SDR9C7: variants seen among roughly 807,000 people sequenced by gnomAD.
SDR9C7 encodes the protein short-chain dehydrogenase/reductase family 9C member 7.
SDR9C7 carries 11 observed loss-of-function variants against 23.6 expected under a neutral mutation model. That is an observed-to-expected ratio of 0.47 (90% CI 0.29 to 0.77). The LOEUF is 0.77. Ranked by LOEUF, SDR9C7 falls within the 30% of genes least tolerant of loss-of-function variation. The pLI is 0.09. For synonymous variants in SDR9C7, 167 were observed against 157.3 expected, an observed-to-expected ratio of 1.06 and a Z score of -0.46; for missense variants, 387 against 407.1, an observed-to-expected ratio of 0.95 and a Z score of 0.42.
chr12:56,924,567 C>T (rs1481090519), intron 3 of SDR9C7, among the ~76,000 whole-genome samples: 2 of 152,190 alleles, frequency 1.3e-5, no homozygotes, highest in Non-Finnish European at 2.9e-5. Flanking sequence ...AACTGTGCCG[C>T]TTATTAGTTA....
chr12:56,929,541 G>GTAGA lies in SDR9C7; in HGVS notation c.569_572dup (p.Tyr192LeufsTer11). On this transcript the variant is annotated frameshift_variant, in exon 3 of 4. Transcript: ENST00000293502. LOFTEE classifies it high-confidence loss of function. ...TGATGCAGACTTTCACCCCAAAGTA[G>GTAGA]TAGAGCTCACGCCTGGGAAAGAAGA... 6.2e-7 allele frequency: 1 copy of GTAGA among 1,603,772 alleles called. No homozygotes were observed. Among genetic ancestry groups the GTAGA allele is most frequent in the Non-Finnish European group, 8.5e-7 (1 of 1,171,176 alleles).
In SDR9C7 at chr12:56,923,962, C is replaced by G; in HGVS notation, c.813G>C (p.Arg271=). Residue 271 remains arginine (R), a synonymous_variant, in exon 4 of 4, where the codon CGG becomes CGC. Transcript: ENST00000293502. ...INSMEHAIVS[R]SPRIRYNPGL... The stretch of plus-strand genomic sequence containing the variant: ...CAGGGTTGTAGCGGATGCGAGGGCT[C>G]CGGGAAACAATAGCATGCTCCATGC... 1 of 1,614,118 alleles carries G rather than the reference C, an allele frequency of 6.2e-7. No homozygotes were observed. Among genetic ancestry groups the G allele is most frequent in the Non-Finnish European group, 8.5e-7 (1 of 1,179,998 alleles).
chr12:56,930,267 GCAGTAGCCA>G lies in SDR9C7; in HGVS notation c.510_518del (p.Gly171_Cys173del). 6.2e-7 allele frequency: 1 copy of G among 1,614,126 alleles called. No individual in the cohort carries two copies. Among genetic ancestry groups the G allele is most frequent in the Non-Finnish European group, 8.5e-7 (1 of 1,180,032 alleles). ...AGGCCTCAACGCCAAACTTGGAGAC[GCAGTAGCCA>G]CCACCAATGACAGCCACACGACCAC... On this transcript the variant is annotated inframe_deletion, in exon 2 of 4. Transcript: ENST00000293502.
intron 1 of SDR9C7, among the ~76,000 whole-genome samples, chr12:56,933,435 T>C (rs899522872): frequency 5.3e-5 from 8 of 152,200 alleles, no homozygotes; most frequent in Non-Finnish European, 8.8e-5. Context: ...CTTGGCTCAC[T>C]GCAACCTCCG....
rs1955711655 is a variant in SDR9C7, at chr12:56,923,507, A to G, written c.*326T>C. 4.8e-6 allele frequency: 1 copy of G among 209,230 alleles called. No individual in the cohort carries two copies. Among genetic ancestry groups the G allele is most frequent in the African/African-American group, 2.3e-5 (1 of 43,602 alleles). The allele number at this position is 209,230 out of a possible 1,614,324, so 13.0% of individuals were successfully genotyped here. A position where few individuals can be genotyped will look rare whatever the true frequency, so the allele number is the denominator to read the frequency against. ...ATAACTGAAAGGGGCTCATGATTCC[A>G]CAGGAGCTGGTTTTCTTCTCCATGA... On this transcript the variant is annotated 3_prime_UTR_variant, in exon 4 of 4. Transcript: ENST00000293502.
intron 3 of SDR9C7, among the ~76,000 whole-genome samples, chr12:56,926,402 T>C (rs530179940): frequency 1.3e-5 from 2 of 152,296 alleles, no homozygotes; most frequent in African/African-American, 4.8e-5. Context: ...ACAAATCTGA[T>C]CCTTCATTTC....
chr12:56,929,719 C>T (rs1010580622), intron 2 of SDR9C7, among the ~76,000 whole-genome samples, 166 bp from the exon 3 acceptor site: 3 of 152,220 alleles, frequency 2.0e-5, no homozygotes. Flanking sequence ...AGGGACTCAG[C>T]CCTTTCCAAA....
chr12:56,927,423 T>G (rs1437371001), intron 3 of SDR9C7, among the ~76,000 whole-genome samples: 2 of 152,218 alleles, frequency 1.3e-5, no homozygotes, highest in Admixed American at 1.3e-4. Context: ...ATAAATATTC[T>G]TCCCCACACA....
At position 56,923,330 on chromosome 12, in the gene SDR9C7, G is replaced by T. The variant is rs1267252239; in HGVS notation, c.*503C>A. ...AAGAAAGAAAATATTTTAAACTTTT[G>T]TCTGATTTAATCTTGCACTCCCTAT... On this transcript the variant is annotated 3_prime_UTR_variant, in exon 4 of 4. Coordinates refer to ENST00000293502, the MANE Select transcript of SDR9C7 (RefSeq NM_148897.3). 6.6e-6 allele frequency: 1 copy of T among 152,402 alleles called. No individual in the cohort carries two copies. The highest frequency in any genetic ancestry group is 1.9e-4 in the East Asian group (1 of 5,200). 9.4% of individuals were successfully genotyped at this position (152,402 alleles called of 1,614,324 possible).
chr12:56,928,992 A>C (rs959555109), intron 3 of SDR9C7, among the ~76,000 whole-genome samples: 2 of 152,224 alleles, frequency 1.3e-5, no homozygotes, highest in Non-Finnish European at 2.9e-5. Context: ...TAAATAAGAA[A>C]ACTGAGGCAT....
chr12:56,929,263 C>T, intron 3 of SDR9C7, 127 bp downstream of exon 3: 1 of 889,456 alleles, frequency 1.1e-6, no homozygotes, highest in Non-Finnish European at 1.8e-6. Flanking sequence ...CCAGCTGTGC[C>T]ACTATGTGAC....
chr12:56,933,279 T>A (rs1172679543), intron 1 of SDR9C7, among the ~76,000 whole-genome samples: 2 of 152,164 alleles, frequency 1.3e-5, no homozygotes, highest in Admixed American at 6.5e-5. Context: ...CCCATCCTGA[T>A]CCCAACAAGA....
Position 56,933,960 on chromosome 12 carries a change from C to T in SDR9C7, c.301+1G>A. 1.2e-6 allele frequency: 2 copies of T among 1,603,442 alleles called. No homozygotes were observed. Among genetic ancestry groups the T allele is most frequent in the Non-Finnish European group, 1.7e-6 (2 of 1,171,756 alleles). ...AAGCCAAAGAATGTAATTCGCCCCA[C>T]CTTGTTCGCCCACTTTGTCCCTCAC... On this transcript the variant is annotated splice_donor_variant, in intron 1 of 3. Coordinates refer to ENST00000293502, the MANE Select transcript of SDR9C7 (RefSeq NM_148897.3). LOFTEE classifies it high-confidence loss of function.
Position 56,923,670 on chromosome 12 carries a change from C to A in SDR9C7, c.*163G>T. 1.7e-6 allele frequency: 1 copy of A among 590,086 alleles called. No homozygotes were observed. Among genetic ancestry groups the A allele is most frequent in the Non-Finnish European group, 2.9e-6 (1 of 340,006 alleles). The allele number at this position is 590,086 out of a possible 1,614,324, so 36.6% of individuals were successfully genotyped here. On this transcript the variant is annotated 3_prime_UTR_variant, in exon 4 of 4. Coordinates refer to ENST00000293502, the MANE Select transcript of SDR9C7 (RefSeq NM_148897.3). ...GAGGGTGGGAAGAGGCATTCACCTT[C>A]TGTTAGAAGTTACTGGTAAATTCGA...
intron 3 of SDR9C7, among the ~76,000 whole-genome samples, chr12:56,926,227 A>G (rs552432077): frequency 6.6e-6 from 1 of 152,268 alleles, no homozygotes; most frequent in South Asian, 2.1e-4. Context: ...CTGAGTTTGT[A>G]CCCAGCGATG....
In SDR9C7 at chr12:56,929,458, A is replaced by G. The variant is rs759791848; in HGVS notation, c.656T>C (p.Met219Thr). The G allele has an allele frequency of 1.2e-6, 2 of 1,613,840 alleles. No individual in the cohort carries two copies. Among genetic ancestry groups the G allele is most frequent in the East Asian group, 2.2e-5 (1 of 44,864 alleles). ...AGGCAGCCTCTCCCAAAGCTTTCGC[A>G]TGCGTGACTCCAGGTTCTCCTTGCC... ...ILGKENLESR[M>T]RKLWERLPQE... Residue 219 changes from methionine to threonine, a missense_variant, in exon 3 of 4, where the codon ATG becomes ACG. Transcript: ENST00000293502.
In SDR9C7 at chr12:56,930,385, A is replaced by G; in HGVS notation, c.401T>C (p.Leu134Pro). The G allele has an allele frequency of 6.2e-7, 1 of 1,614,162 alleles. No individual in the cohort carries two copies. Among genetic ancestry groups the G allele is most frequent in the Non-Finnish European group, 8.5e-7 (1 of 1,180,030 alleles). Residue 134 changes from leucine (L) to proline (P), a missense_variant, in exon 2 of 4, where the codon CTG (leucine) becomes CCG (proline). Leu to Pro is a moderately conservative substitution (Grantham distance 98). Coordinates refer to ENST00000293502, the MANE Select transcript of SDR9C7 (RefSeq NM_148897.3). ...DDFVKVINVNLVGLIEVTLHM... is the reference protein window; with the variant it reads ...DDFVKVINVNPVGLIEVTLHM... ...AAGGGTCACTTCGATCAGTCCCACC[A>G]GGTTCACATTAATCACCTTCACAAA...
chr12:56,930,602 G>C (rs1002110085), intron 1 of SDR9C7, 118 bp from the exon 2 acceptor site: 2 of 1,143,946 alleles, frequency 1.7e-6, no homozygotes, highest in East Asian at 2.6e-5. Flanking sequence ...GACATAACTC[G>C]GTCAGGCTAT....
intron 1 of SDR9C7, among the ~76,000 whole-genome samples, chr12:56,930,964 A>C (rs1392274481): frequency 1.3e-5 from 2 of 152,170 alleles, no homozygotes; most frequent in Non-Finnish European, 2.9e-5. Flanking sequence ...AGGTGCAGTG[A>C]CTCACACTTG....
Sources: gnomAD v4.1 joint callset for allele counts (sites outside exome capture counted in the v4.1 genomes callset) on GRCh38, gnomAD v4.1.1 for gene constraint, MANE v1.5 for transcripts, NCBI Gene and HGNC (gene_info 2026-07-23, HGNC 2026-07-21) for gene names.